Variants in LRBA observed in about 807,000 individuals in gnomAD.
LRBA encodes lipopolysaccharide-responsive and beige-like anchor protein.
A neutral mutation model predicts 330.0 loss-of-function variants in LRBA; 176 were observed. The observed-to-expected ratio is 0.53, with a 90% CI of 0.47 to 0.60. The LOEUF (loss-of-function observed/expected upper bound fraction) is 0.60. Ranked by LOEUF, LRBA falls within the 20% of genes least tolerant of loss-of-function variation. LRBA has a pLI of 0.00. For synonymous variants in LRBA, 1,230 were observed against 1,193.0 expected, an observed-to-expected ratio of 1.03 and a Z score of -0.64; for missense variants, 3,259 against 3,444.8, an observed-to-expected ratio of 0.95 and a Z score of 1.35.
At chr4:150,958,627 C>T (rs187960601) in intron 2 of LRBA, among the ~76,000 whole-genome samples, 1 of 149,326 alleles carries the variant, frequency 6.7e-6, no homozygotes, top group East Asian at 1.9e-4. Flanking sequence ...CATCATTAGG[C>T]TACAAATTTT....
intron 40 of LRBA, among the ~76,000 whole-genome samples, chr4:150,558,858 C>G (rs1208047847): frequency 6.6e-6 from 1 of 152,046 alleles, no homozygotes; most frequent in East Asian, 1.9e-4. Context: ...TTTATTCTAG[C>G]CTTCAGGGAG....
At chr4:150,802,350 GT>G (rs981953617) in intron 33 of LRBA, among the ~76,000 whole-genome samples, 136 of 144,422 alleles carry the variant, frequency 9.4e-4, no homozygotes, top group Admixed American at 2.4e-3. Flanking sequence ...GCATTCGTGG[GT>G]TTTTTTTTTT....
chr4:150,367,065 C>G (rs1053387735), intron 47 of LRBA, among the ~76,000 whole-genome samples: 3 of 152,154 alleles, frequency 2.0e-5, no homozygotes, highest in Non-Finnish European at 4.4e-5. Flanking sequence ...TTTATGCTAA[C>G]AAATTTACCT....
intron 38 of LRBA, 96 bp from the exon 39 acceptor site, chr4:150,590,955 G>T (rs1772751240): frequency 1.8e-6 from 2 of 1,090,778 alleles, no homozygotes; most frequent in Admixed American, 2.4e-5. Context: ...GCCAAAGATG[G>T]TCAATCTTTT....
chr4:150,803,072 A>AT (rs201063041), intron 33 of LRBA, among the ~76,000 whole-genome samples: 3,700 of 49,178 alleles, frequency 0.075, 134 homozygotes, highest in African/African-American at 0.16. Flanking sequence ...CAAACAAAAA[A>AT]AAAATATATA....
intron 36 of LRBA, among the ~76,000 whole-genome samples, chr4:150,697,886 C>G (rs1186359506): frequency 6.6e-6 from 1 of 151,908 alleles, no homozygotes; most frequent in African/African-American, 2.4e-5. Context: ...GCCAGACATT[C>G]AAGCTATAAA....
intron 2 of LRBA, among the ~76,000 whole-genome samples, chr4:150,929,562 T>G (rs1158787134): frequency 6.6e-6 from 1 of 152,220 alleles, no homozygotes; most frequent in Non-Finnish European, 1.5e-5. Flanking sequence ...ACCTCTCCTC[T>G]GTAGATAATC....
At position 150,277,948 on chromosome 4, in the gene LRBA, C is replaced by T; in HGVS notation, c.8373G>A (p.Val2791=). ...QYLLTGGDRG[V]VVVRQVSDLK... ...GGTCCGACACCTGCCGGACCACGACCACTCCTCTGTCTCCTCCTGTGAGCA... is the reference window on the plus strand; with the variant it reads ...GGTCCGACACCTGCCGGACCACGACTACTCCTCTGTCTCCTCCTGTGAGCA... Residue 2791 remains valine, a synonymous_variant, in exon 56 of 57, where the codon GTG becomes GTA. Transcript: ENST00000651943. 1 of 1,614,166 alleles carries T rather than the reference C, an allele frequency of 6.2e-7. No individual in the cohort carries two copies. The highest frequency in any genetic ancestry group is 8.5e-7 in the Non-Finnish European group (1 of 1,180,028).
intron 37 of LRBA, among the ~76,000 whole-genome samples, chr4:150,653,408 T>G (rs1350295944): frequency 6.6e-6 from 1 of 152,218 alleles, no homozygotes; most frequent in Non-Finnish European, 1.5e-5. Context: ...TCTTTTACTT[T>G]TAGACTGTCT....
At chr4:150,533,804 T>A (rs1430607419) in intron 40 of LRBA, among the ~76,000 whole-genome samples, 3 of 152,156 alleles carry the variant, frequency 2.0e-5, no homozygotes, top group African/African-American at 7.2e-5. Context: ...TAATACTGAG[T>A]GCCTGAAATG....
chr4:150,491,075 T>A (rs779016932), intron 40 of LRBA, 40 bp from the exon 41 acceptor site: 1 of 917,754 alleles, frequency 1.1e-6, no homozygotes, highest in African/African-American at 1.7e-5. Flanking sequence ...GTAACAATAC[T>A]TGTTTTTTGT....
intron 44 of LRBA, among the ~76,000 whole-genome samples, chr4:150,462,343 T>C (rs1754881101): frequency 6.6e-6 from 1 of 151,724 alleles, no homozygotes; most frequent in Admixed American, 6.6e-5. Context: ...ACTTTTGCAA[T>C]ACAAGAAAAG....
intron 30 of LRBA, among the ~76,000 whole-genome samples, chr4:150,822,483 T>C (rs1346561162): frequency 6.6e-6 from 1 of 152,198 alleles, no homozygotes; most frequent in Non-Finnish European, 1.5e-5. Flanking sequence ...AAATTGAGAA[T>C]AGACAGGGCA....
At chr4:150,662,626 G>C (rs892511282) in intron 37 of LRBA, among the ~76,000 whole-genome samples, 2 of 152,296 alleles carry the variant, frequency 1.3e-5, no homozygotes, top group East Asian at 1.9e-4. Context: ...GAAAGTGTAA[G>C]ATAAGAACAC....
At chr4:150,499,394 G>A (rs138722164) in intron 40 of LRBA, among the ~76,000 whole-genome samples, 1 of 152,228 alleles carries the variant, frequency 6.6e-6, no homozygotes, top group Non-Finnish European at 1.5e-5. Flanking sequence ...TGTAATCCTA[G>A]CAATTTGGGA....
chr4:150,857,169 A>G (rs997316441), intron 22 of LRBA, among the ~76,000 whole-genome samples: 3 of 152,154 alleles, frequency 2.0e-5, no homozygotes, highest in African/African-American at 4.8e-5. Flanking sequence ...CCTTTGATAA[A>G]TAAGATATAT....
chr4:150,431,676 C>T (rs1050250092), intron 46 of LRBA, among the ~76,000 whole-genome samples: 9 of 151,716 alleles, frequency 5.9e-5, no homozygotes, highest in East Asian at 1.9e-4. Flanking sequence ...TTTAAAAATA[C>T]GACTATGAAA....
intron 34 of LRBA, among the ~76,000 whole-genome samples, chr4:150,764,282 C>T (rs1735466725): frequency 2.0e-5 from 3 of 151,980 alleles, no homozygotes; most frequent in Non-Finnish European, 2.9e-5. Context: ...TCACCACTAT[C>T]TTTCAACATC....
intron 2 of LRBA, among the ~76,000 whole-genome samples, chr4:150,967,834 A>T (rs1379312115): frequency 6.6e-6 from 1 of 152,118 alleles, no homozygotes; most frequent in Non-Finnish European, 1.5e-5. Context: ...TAAGATAGTG[A>T]ACTTAATAAA....
Sources: gnomAD v4.1 joint callset for allele counts (sites outside exome capture counted in the v4.1 genomes callset) on GRCh38, gnomAD v4.1.1 for gene constraint, MANE v1.5 for transcripts, NCBI Gene and HGNC (gene_info 2026-07-23, HGNC 2026-07-21) for gene names.